Variants in SPATA6 observed in about 807,000 individuals in gnomAD.
SPATA6 encodes the protein spermatogenesis associated 6.
SPATA6 carries 56 observed loss-of-function variants against 65.3 expected under a neutral mutation model. The observed-to-expected ratio is 0.86, with a 90% confidence interval of 0.69 to 1.07. SPATA6 has a LOEUF of 1.07. SPATA6 is among the 50% of genes least tolerant of loss of function. The probability of loss-of-function intolerance (pLI) is 0.00; values close to 1 mark genes in which losing one functional copy is unlikely to be tolerated. For synonymous variants in SPATA6, 199 were observed against 213.2 expected (o/e 0.93, Z 0.58); for missense variants, 590 against 594.8 (o/e 0.99, Z 0.08).
the SPATA6 span, chr1:48,262,087 G>A: frequency 3.3e-5 from 5 of 152,086 alleles, no homozygotes; most frequent in Admixed American, 2.6e-4. Flanking sequence ...ATGGCAGTGA[G>A]CTGAGAGCAT....
At chr1:48,357,365 G>C (rs1034828284) in intron 10 of SPATA6, among the ~76,000 whole-genome samples, 2 of 151,774 alleles carry the variant, frequency 1.3e-5, no homozygotes, top group African/African-American at 4.8e-5. Context: ...TTCTTAAATG[G>C]GCACAAAGCA....
At chr1:48,289,566 C>T in the SPATA6 span, among the ~76,000 whole-genome samples, 6 of 152,130 alleles carry the variant, frequency 3.9e-5, no homozygotes, top group African/African-American at 7.2e-5. Context: ...TAAAGGAGGA[C>T]GTTCAAACCC....
At chr1:48,294,949 A>T (rs758590255), downstream of SPATA6, among the ~76,000 whole-genome samples, 84 of 152,270 alleles carry the variant, frequency 5.5e-4, no homozygotes, top group Non-Finnish European at 9.4e-4. Context: ...CCATTCTTGC[A>T]TTTTCATACC....
intron 3 of SPATA6, among the ~76,000 whole-genome samples, chr1:48,443,668 T>C (rs1026441374): frequency 6.6e-6 from 1 of 152,182 alleles, no homozygotes; most frequent in African/African-American, 2.4e-5. Flanking sequence ...AGGGATAGTA[T>C]GAGATGCCAC....
the SPATA6 span, among the ~76,000 whole-genome samples, chr1:48,268,365 T>G: frequency 6.6e-6 from 1 of 152,048 alleles, no homozygotes; most frequent in Non-Finnish European, 1.5e-5. Context: ...TATGTACATA[T>G]GTAATCATAT....
intron 3 of SPATA6, among the ~76,000 whole-genome samples, chr1:48,426,092 T>G (rs1047423684): frequency 1.1e-4 from 17 of 152,104 alleles, no homozygotes; most frequent in African/African-American, 3.9e-4. Flanking sequence ...GGCAAATGGC[T>G]TGTAATGAGA....
chr1:48,416,691 C>A (rs1652817646), intron 3 of SPATA6, among the ~76,000 whole-genome samples: 1 of 151,100 alleles, frequency 6.6e-6, no homozygotes. Flanking sequence ...AATCTTGATA[C>A]TAAAACCTGA....
rs1026206799 is a variant in SPATA6 at position 48,472,131 on chromosome 1, C to G, written c.-123G>C. On this transcript the variant is annotated 5_prime_UTR_variant, in exon 1 of 13. Transcript: ENST00000371847. ...CGGCGGCGGTGGCAGCAGTGGCCCC[C>G]AGGCCGGGGCCCGCGGTCCAGCCTG... 6.8e-6 allele frequency: 5 copies of G among 738,512 alleles called. No individual in the cohort carries two copies. Among genetic ancestry groups the G allele is most frequent in the African/African-American group, 3.8e-5 (2 of 53,214 alleles). The allele number at this position is 738,512 out of a possible 1,614,324, so 45.7% of individuals were successfully genotyped here. A position where few individuals can be genotyped will look rare whatever the true frequency, so the allele number is the denominator to read the frequency against.
chr1:48,461,813 A>G (rs1657452289), intron 1 of SPATA6, among the ~76,000 whole-genome samples: 1 of 152,212 alleles, frequency 6.6e-6, no homozygotes, highest in Admixed American at 6.5e-5. Context: ...AGAACTAGAA[A>G]TACCATTTGA....
At chr1:48,459,553 G>A (rs1197067968) in intron 1 of SPATA6, among the ~76,000 whole-genome samples, 2 of 152,092 alleles carry the variant, frequency 1.3e-5, no homozygotes, top group Admixed American at 6.6e-5. Flanking sequence ...AAAATAAGCA[G>A]TCAAGTAATC....
chr1:48,434,215 A>C (rs534818844), intron 3 of SPATA6, among the ~76,000 whole-genome samples: 73 of 149,246 alleles, frequency 4.9e-4, no homozygotes, highest in African/African-American at 1.2e-3. Context: ...TATCAAACGC[A>C]TAGTAGGTGC....
At chr1:48,464,738 T>C (rs1183587987) in intron 1 of SPATA6, among the ~76,000 whole-genome samples, 7 of 152,158 alleles carry the variant, frequency 4.6e-5, no homozygotes, top group African/African-American at 7.2e-5. Context: ...GAAGTCAAGA[T>C]GTGGTTACCT....
chr1:48,452,591 C>T (rs1175682140), intron 2 of SPATA6, among the ~76,000 whole-genome samples: 3 of 152,100 alleles, frequency 2.0e-5, no homozygotes, highest in Non-Finnish European at 2.9e-5. Flanking sequence ...CCCATGTTGA[C>T]CAGACTGGTC....
Position 48,455,848 on chromosome 1 carries a change from T to C in SPATA6, c.52-2717A>G, listed in dbSNP as rs370496748. Reference sequence around the variant, plus strand: ...ACATATGCAAGAAGGCATTGTTTTTTTCATCTACAATTCTACAAATTCTGC... The same window carrying C: ...ACATATGCAAGAAGGCATTGTTTTTCTCATCTACAATTCTACAAATTCTGC... On this transcript the variant is annotated intron_variant, in intron 1 of 12. Coordinates refer to ENST00000371847, the MANE Select transcript of SPATA6 (RefSeq NM_019073.4). Among the ~76,000 whole-genome samples, 4 of 152,198 alleles carry C rather than the reference T, an allele frequency of 2.6e-5. No individual in the cohort carries two copies. The East Asian group carries it at 7.7e-4, about 29-fold the overall frequency.
At chr1:48,282,473 TCAAA>T in the SPATA6 span, among the ~76,000 whole-genome samples, 1 of 151,820 alleles carries the variant, frequency 6.6e-6, no homozygotes, top group African/African-American at 2.4e-5. Flanking sequence ...TACAATGAAC[TCAAA>T]CAAACTTACA....
In SPATA6 at chr1:48,300,802, C is replaced by CA. The variant is rs1014264967; in HGVS notation, c.1287-1910dup. 6.0e-5 allele frequency among the ~76,000 whole-genome samples: 9 copies of CA among 150,094 alleles called. No homozygotes were observed. In the East Asian group the frequency reaches 1.4e-3, roughly 23 times the overall value. On this transcript the variant is annotated intron_variant, in intron 12 of 12. Coordinates refer to ENST00000371847, the MANE Select transcript of SPATA6 (RefSeq NM_019073.4). ...ATACATAATATCAACAGAATTAAAA[C>CA]AAAAAAAAAGTATAATCATTTCAAT...
chr1:48,309,382 T>C (rs1324244294), intron 11 of SPATA6, among the ~76,000 whole-genome samples: 2 of 152,150 alleles, frequency 1.3e-5, no homozygotes, highest in Non-Finnish European at 2.9e-5. Flanking sequence ...AGGGTGCCAA[T>C]GAGTCCTTCT....
At chr1:48,337,640 A>G (rs115880829) in intron 11 of SPATA6, among the ~76,000 whole-genome samples, 134 of 152,070 alleles carry the variant, frequency 8.8e-4, no homozygotes, top group Non-Finnish European at 1.6e-3. Context: ...ATTAATATCA[A>G]TGCGTGAATG....
chr1:48,376,235 G>A (rs1180478559), intron 9 of SPATA6, among the ~76,000 whole-genome samples: 1 of 152,048 alleles, frequency 6.6e-6, no homozygotes, highest in African/African-American at 2.4e-5. Flanking sequence ...CCTTCAGAAT[G>A]GGACAAGTGT....
Sources: gnomAD v4.1 joint callset for allele counts (sites outside exome capture counted in the v4.1 genomes callset) on GRCh38, gnomAD v4.1.1 for gene constraint, MANE v1.5 for transcripts, NCBI Gene and HGNC (gene_info 2026-07-23, HGNC 2026-07-21) for gene names.